Variants in PRKCA observed in about 807,000 individuals in gnomAD.
The protein encoded by PRKCA is protein kinase C alpha type.
In PRKCA, 27 loss-of-function variants were observed where a neutral mutation model predicts 87.0. The observed-to-expected ratio is 0.31, with a 90% CI of 0.23 to 0.43. PRKCA has a LOEUF of 0.43. PRKCA is among the 20% of genes least tolerant of loss of function. The probability of loss-of-function intolerance (pLI) is 1.00; values close to 1 mark genes in which losing one functional copy is unlikely to be tolerated. For missense variants in PRKCA, 518 were observed against 852.3 expected (o/e 0.61, Z 4.88); for synonymous variants, 329 against 311.1 (o/e 1.06, Z -0.61).
chr17:66,788,801 G>C (rs775942756), intron 15 of PRKCA, 38 bp from the exon 16 acceptor site: 1 of 1,601,842 alleles, frequency 6.2e-7, no homozygotes, highest in Non-Finnish European at 8.5e-7. Flanking sequence ...GGAAGCCCTT[G>C]ACATCCATTG....
chr17:66,703,158 C>T (rs1293110228), intron 8 of PRKCA, among the ~76,000 whole-genome samples: 1 of 152,154 alleles, frequency 6.6e-6, no homozygotes, highest in Non-Finnish European at 1.5e-5. Context: ...AACTATTTTA[C>T]TTTATAAACT....
intron 3 of PRKCA, among the ~76,000 whole-genome samples, chr17:66,545,247 TG>T: frequency 6.6e-6 from 1 of 152,140 alleles, no homozygotes; most frequent in South Asian, 2.1e-4. Flanking sequence ...GCTAACACGG[TG>T]AAACCCCGCC....
chr17:66,649,789 A>G (rs1352967302), intron 5 of PRKCA, among the ~76,000 whole-genome samples: 2 of 152,222 alleles, frequency 1.3e-5, no homozygotes, highest in African/African-American at 4.8e-5. Context: ...AGAACAAAGA[A>G]CAACCCATAT....
At chr17:66,553,308 TC>T (rs1968398503) in intron 3 of PRKCA, among the ~76,000 whole-genome samples, 1 of 152,130 alleles carries the variant, frequency 6.6e-6, no homozygotes, top group African/African-American at 2.4e-5. Flanking sequence ...AAATTGTGAC[TC>T]CCCTATGCTC....
intron 16 of PRKCA, among the ~76,000 whole-genome samples, chr17:66,790,471 G>A (rs562744627): frequency 2.0e-5 from 3 of 152,160 alleles, no homozygotes; most frequent in Non-Finnish European, 4.4e-5. Context: ...GTTTTTGGGG[G>A]TGGGGAGAGT....
At chr17:66,757,571 G>GAAAAAAAAAAAAAAAAAAAAAA (rs35540620) in intron 13 of PRKCA, among the ~76,000 whole-genome samples, 1 of 116,992 alleles carries the variant, frequency 8.5e-6, no homozygotes, top group African/African-American at 3.1e-5. Flanking sequence ...GCTTTGGGAG[G>GAAAAAAAAAAAAAAAAAAAAAA]AAAAAAAAAA....
intron 2 of PRKCA, among the ~76,000 whole-genome samples, chr17:66,377,718 TA>T (rs1483185562): frequency 0.06 from 3,614 of 60,364 alleles, 113 homozygotes; most frequent in Non-Finnish European, 0.089. Context: ...TATATATATA[TA>T]TATTTTTTTT....
intron 2 of PRKCA, among the ~76,000 whole-genome samples, chr17:66,420,122 C>G (rs1240893738): frequency 6.6e-6 from 1 of 151,808 alleles, no homozygotes; most frequent in East Asian, 1.9e-4. Flanking sequence ...AGCGATTCCC[C>G]TGCCTCAGCC....
intron 2 of PRKCA, among the ~76,000 whole-genome samples, chr17:66,465,146 A>G (rs1367093070): frequency 1.3e-5 from 2 of 152,194 alleles, no homozygotes; most frequent in Non-Finnish European, 2.9e-5. Flanking sequence ...GCCAACCCCC[A>G]TAGCCTTAAT....
chr17:66,391,997 G>A (rs754211975), intron 2 of PRKCA, among the ~76,000 whole-genome samples: 6 of 152,162 alleles, frequency 3.9e-5, no homozygotes, highest in Non-Finnish European at 7.3e-5. Context: ...TTGGGAGGCC[G>A]AGGCTGGCAG....
At chr17:66,559,478 C>CAA (rs1567897850) in intron 3 of PRKCA, among the ~76,000 whole-genome samples, 1 of 31,212 alleles carries the variant, frequency 3.2e-5, no homozygotes, top group Non-Finnish European at 5.6e-5. Flanking sequence ...CTCTGTCTCA[C>CAA]CAAAAAAAAA....
intron 8 of PRKCA, among the ~76,000 whole-genome samples, chr17:66,729,404 C>CA (rs1398182202): frequency 6.6e-6 from 1 of 151,828 alleles, no homozygotes; most frequent in Non-Finnish European, 1.5e-5. Flanking sequence ...AACTCTGTCT[C>CA]AAAAAAATAA....
At chr17:66,698,866 A>G (rs559408194) in intron 8 of PRKCA, among the ~76,000 whole-genome samples, 156 of 151,076 alleles carry the variant, frequency 1.0e-3, no homozygotes, top group African/African-American at 3.7e-3. Flanking sequence ...CTGTAGTGCC[A>G]GTACTCGGGA....
Position 66,394,379 on chromosome 17 carries a change from T to G in PRKCA, c.205+88252T>G, listed in dbSNP as rs142542157. On this transcript the variant is annotated intron_variant, in intron 2 of 16. Coordinates refer to ENST00000413366, the MANE Select transcript of PRKCA (RefSeq NM_002737.3). The stretch of plus-strand genomic sequence containing the variant: ...TCAGGATGGATTGGCAGGGGAAGAT[T>G]CACTTCCGAAGTATTGGCTTAGCAG... Among the ~76,000 whole-genome samples, 629 of 152,302 alleles carry G rather than the reference T, an allele frequency of 4.1e-3. 5 individuals are homozygous for G. Among genetic ancestry groups the G allele is most frequent in the African/African-American group, 0.015 (609 of 41,568 alleles).
At chr17:66,551,684 CA>C (rs560512250) in intron 3 of PRKCA, among the ~76,000 whole-genome samples, 134 of 152,150 alleles carry the variant, frequency 8.8e-4, no homozygotes, top group South Asian at 4.4e-3. Context: ...GGACAGGGGA[CA>C]GGGGCAAATT....
At chr17:66,542,651 C>T (rs1009235861) in intron 3 of PRKCA, among the ~76,000 whole-genome samples, 2 of 152,028 alleles carry the variant, frequency 1.3e-5, no homozygotes, top group African/African-American at 4.8e-5. Context: ...GGAAGGGATT[C>T]CTCTGCAAAG....
chr17:66,368,364 G>GTATATA (rs765889045), intron 2 of PRKCA, among the ~76,000 whole-genome samples: 3 of 44,504 alleles, frequency 6.7e-5, no homozygotes, highest in African/African-American at 2.5e-4. Flanking sequence ...GTGTGTATAT[G>GTATATA]TATATATATA....
intron 16 of PRKCA, chr17:66,796,781 T>C: frequency 2.0e-6 from 2 of 985,378 alleles, no homozygotes; most frequent in Non-Finnish European, 2.4e-6. Context: ...GCTGTGCAGA[T>C]GGTGGCGATG....
intron 4 of PRKCA, among the ~76,000 whole-genome samples, chr17:66,642,969 G>A (rs943870243): frequency 1.1e-4 from 17 of 152,130 alleles, no homozygotes; most frequent in Non-Finnish European, 2.4e-4. Context: ...GAACCCAGGA[G>A]GCGGCGGTTG....
Sources: gnomAD v4.1 joint callset for allele counts (sites outside exome capture counted in the v4.1 genomes callset) on GRCh38, gnomAD v4.1.1 for gene constraint, MANE v1.5 for transcripts, NCBI Gene and HGNC (gene_info 2026-07-23, HGNC 2026-07-21) for gene names.